ITFG2: variants seen among roughly 807,000 people sequenced by gnomAD.
ITFG2 encodes KICSTOR complex protein ITFG2.
Under a neutral mutation model 54.4 loss-of-function variants are expected in ITFG2, and 36 were observed. That is an observed-to-expected ratio of 0.66 (90% CI 0.51 to 0.87). ITFG2 has a LOEUF of 0.87. Ranked by LOEUF, ITFG2 falls within the 40% of genes least tolerant of loss-of-function variation. The pLI is 0.00. For missense variants in ITFG2, 524 were observed against 576.7 expected, an observed-to-expected ratio of 0.91 and a Z score of 0.94; for synonymous variants, 211 against 225.4, an observed-to-expected ratio of 0.94 and a Z score of 0.57.
chr12:2,820,841 C>T lies in ITFG2; in HGVS notation c.664C>T (p.Pro222Ser). 6.2e-7 allele frequency: 1 copy of T among 1,614,060 alleles called. No homozygotes were observed. The highest frequency in any genetic ancestry group is 1.3e-5 in the African/African-American group (1 of 75,022). The change falls in exon 6 of 12, where the codon CCT becomes TCT. Residue 222 changes from proline to serine, a missense_variant. Pro to Ser is a moderately conservative substitution (Grantham distance 74, BLOSUM62 -1). Transcript: ENST00000228799. Reference protein sequence around the residue: ...CTWKKDTGSPPASEGPTDGSR... With the variant: ...CTWKKDTGSPSASEGPTDGSR... ...CTGGAAAAAGGACACTGGGTCCCCT[C>T]CTGCCTCTGAAGGGCCCACGGATGG...
intron 2 of ITFG2, chr12:2,855,210 ACGG>A: frequency 6.6e-7 from 1 of 1,506,352 alleles, no homozygotes; most frequent in South Asian, 1.3e-5. Flanking sequence ...TGGCAGGCAG[ACGG>A]CACACATCGA....
At chr12:2,852,771 G>A (rs2098075179) in intron 2 of ITFG2, among the ~76,000 whole-genome samples, 2 of 152,076 alleles carry the variant, frequency 1.3e-5, no homozygotes, top group South Asian at 2.1e-4. Context: ...TTGGGAGGCC[G>A]AGTTGGGCCT....
At chr12:2,844,109 A>C (rs899748260) in intron 2 of ITFG2, among the ~76,000 whole-genome samples, 1 of 130,722 alleles carries the variant, frequency 7.6e-6, no homozygotes, top group East Asian at 3.4e-4. Flanking sequence ...ACAAAAAAAA[A>C]TAGCCAGGCA....
chr12:2,819,132 C>T (rs1226640805), intron 4 of ITFG2, among the ~76,000 whole-genome samples: 3 of 151,890 alleles, frequency 2.0e-5, no homozygotes, highest in African/African-American at 4.8e-5. Flanking sequence ...TGTTCGAGAC[C>T]AGCCTGACCA....
At chr12:2,830,990 T>G, downstream of ITFG2, 1 of 862,948 alleles carries the variant, frequency 1.2e-6, no homozygotes, top group Non-Finnish European at 1.7e-6. Flanking sequence ...CCTAGGAGTT[T>G]ACCCTAGGGT....
chr12:2,843,507 G>T (rs2098046276), intron 2 of ITFG2, among the ~76,000 whole-genome samples: 1 of 152,196 alleles, frequency 6.6e-6, no homozygotes, highest in African/African-American at 2.4e-5. Context: ...ACTCAGAGGG[G>T]CCTGATCAAG....
At chr12:2,827,742 T>C, downstream of ITFG2, 1 of 1,612,014 alleles carries the variant, frequency 6.2e-7, no homozygotes, top group Non-Finnish European at 8.5e-7. The surrounding 1 kb of genome is among the most constrained non-coding windows in gnomAD (Gnocchi z 4.0). Flanking sequence ...GCCCTCCTCT[T>C]AGCCGTTGCT....
intron 2 of ITFG2, among the ~76,000 whole-genome samples, chr12:2,844,574 T>A (rs2098049131): frequency 6.6e-6 from 1 of 152,110 alleles, no homozygotes. Context: ...TTATAATAAA[T>A]TAAATAATAG....
chr12:2,827,273 C>G (rs1477419199), downstream of ITFG2: 2 of 1,614,056 alleles, frequency 1.2e-6, no homozygotes, highest in Admixed American at 1.7e-5. The surrounding 1 kb of genome is among the most constrained non-coding windows in gnomAD (Gnocchi z 4.0). Context: ...TCAGCCGCAG[C>G]ACTCCGTGCT....
In ITFG2 at chr12:2,817,477, GC is replaced by G. The variant is rs1240563021; in HGVS notation, c.192+164del. On this transcript the variant is annotated intron_variant, in intron 2 of 11. Transcript: ENST00000228799. Reference sequence around the variant, plus strand: ...CAGCCAATTTGATTCAGGGAGGGCAGCCCCCAGCTAGTGCTCCCATCTGTCC... The same window carrying G: ...CAGCCAATTTGATTCAGGGAGGGCAGCCCCAGCTAGTGCTCCCATCTGTCC... 6.7e-6 allele frequency: 4 copies of G among 601,122 alleles called. No individual in the cohort carries two copies. In the East Asian group the frequency reaches 8.3e-5, roughly 13 times the overall value. 37.2% of individuals were successfully genotyped at this position (601,122 alleles called of 1,614,324 possible).
Position 2,845,328 on chromosome 12 carries a change from G to A in ITFG2, n.300+4333G>A, listed in dbSNP as rs551250471. The stretch of plus-strand genomic sequence containing the variant: ...CAGCTATGGGGCTTTTTGAGGCATG[G>A]TAATTAGATGAGACAACCCTGGCAG... On this transcript the variant is annotated intron_variant and non_coding_transcript_variant, in intron 2 of 3. Transcript: ENST00000537710. This position sits in a 1 kb window ranked among gnomAD's most constrained non-coding sequence, Gnocchi z 4.2. Among the ~76,000 whole-genome samples the A allele has an allele frequency of 3.9e-5, 6 of 152,250 alleles. No homozygotes were observed. The East Asian group carries it at 1.2e-3, about 29-fold the overall frequency.
rs1488562922 is a variant in ITFG2 at position 2,855,431 on chromosome 12, C to T, written n.301-2581C>T. 6.8e-6 allele frequency: 10 copies of T among 1,470,572 alleles called. No individual in the cohort carries two copies. The East Asian group carries it at 7.5e-5, about 11-fold the overall frequency. The allele number at this position is 1,470,572 out of a possible 1,614,324, so 91.1% of individuals were successfully genotyped here. A position where few individuals can be genotyped will look rare whatever the true frequency, so the allele number is the denominator to read the frequency against. On this transcript the variant is annotated intron_variant and non_coding_transcript_variant, in intron 2 of 3. Transcript: ENST00000537710. ...CACGTTTGGGAGGGTGGGAGGGACT[C>T]GCTGGCCTGGACCATCTAGGGAGAG...
At position 2,840,455 on chromosome 12, in the gene ITFG2, C is replaced by CAAA. The variant is rs34247255; in HGVS notation, n.147-375_147-373dup. ...TGGGAGACAGAGCGAGACTCTGTCT[C>CAAA]AAAAAAAAAAAAAAGGATTTAATTT... On this transcript the variant is annotated intron_variant and non_coding_transcript_variant, in intron 1 of 3. Coordinates refer to the ITFG2 transcript ENST00000537710. 3.4e-3 allele frequency among the ~76,000 whole-genome samples: 403 copies of CAAA among 118,754 alleles called. 3 individuals are homozygous for CAAA. Among genetic ancestry groups the CAAA allele is most frequent in the Middle Eastern group, 0.013 (3 of 230 alleles). The allele number at this position is 118,754 out of a possible 152,430, so 77.9% of individuals were successfully genotyped here. A position where few individuals can be genotyped will look rare whatever the true frequency, so the allele number is the denominator to read the frequency against.
intron 1 of ITFG2, 76 bp from the exon 2 acceptor site, chr12:2,817,147 C>A: frequency 1.1e-6 from 1 of 918,146 alleles, no homozygotes; most frequent in Admixed American, 2.1e-5. Context: ...TTACCCTTGG[C>A]TAGGCTAAGT....
chr12:2,833,267 G>C (rs1341954199), upstream of ITFG2, among the ~76,000 whole-genome samples: 6 of 152,100 alleles, frequency 3.9e-5, no homozygotes, highest in Non-Finnish European at 8.8e-5. Context: ...GTCCCCAGTA[G>C]GTTCCAGCCA....
At chr12:2,815,971 C>A (rs1007105695) in intron 1 of ITFG2, among the ~76,000 whole-genome samples, 1 of 151,888 alleles carries the variant, frequency 6.6e-6, no homozygotes, top group Non-Finnish European at 1.5e-5. Flanking sequence ...CTCAAGTGAT[C>A]CTCCTTCCTC....
At position 2,820,792 on chromosome 12, in the gene ITFG2, T is replaced by A. The variant is rs776042281; in HGVS notation, c.615T>A (p.Cys205Ter). The A allele has an allele frequency of 1.2e-6, 2 of 1,614,086 alleles. No individual in the cohort carries two copies. Among genetic ancestry groups the A allele is most frequent in the East Asian group, 4.5e-5 (2 of 44,872 alleles). Residue 205 changes from cysteine to a stop codon, truncating the protein, a stop_gained, in exon 6 of 12, where the codon TGT becomes TGA. Coordinates refer to ENST00000228799, the MANE Select transcript of ITFG2 (RefSeq NM_018463.4). LOFTEE classifies it high-confidence loss of function. Reference protein sequence around the residue: ...LPELMVSQPGCAYAILLCTWK... With the variant: ...LPELMVSQPG ...AACTGATGGTGTCTCAGCCAGGTTG[T>A]GCGTATGCAATTCTACTGTGTACCT...
intron 2 of ITFG2, among the ~76,000 whole-genome samples, chr12:2,841,444 A>G (rs1363540430): frequency 6.6e-6 from 1 of 152,234 alleles, no homozygotes; most frequent in Non-Finnish European, 1.5e-5. Context: ...GCCCTCAGGC[A>G]CAAAGGCCTC....
downstream of ITFG2, among the ~76,000 whole-genome samples, chr12:2,829,086 A>G (rs1344618658): frequency 6.6e-6 from 1 of 152,158 alleles, no homozygotes; most frequent in African/African-American, 2.4e-5. Flanking sequence ...TGGGTTCATA[A>G]GTTTGGGGAA....
Sources: allele counts gnomAD v4.1 joint callset (sites outside exome capture counted in the v4.1 genomes callset), GRCh38; gene constraint gnomAD v4.1.1; non-coding constraint Gnocchi (gnomAD v3.1); transcripts MANE v1.5; gene names NCBI Gene and HGNC (gene_info 2026-07-23, HGNC 2026-07-21).